The following SLC22A7 variants were observed in gnomAD, a reference collection of about 807,000 sequenced individuals.
SLC22A7 encodes solute carrier family 22 member 7.
Under a neutral mutation model 62.2 loss-of-function variants are expected in SLC22A7, and 48 were observed. The observed-to-expected ratio is 0.77, with a 90% CI of 0.61 to 0.98. SLC22A7 has a LOEUF of 0.98. Among genes scored for constraint, SLC22A7 ranks in the 50% least tolerant of loss-of-function variants. The probability of loss-of-function intolerance (pLI) is 0.00; values close to 1 mark genes in which losing one functional copy is unlikely to be tolerated. For missense variants in SLC22A7, 581 were observed against 703.8 expected (o/e 0.83, Z 1.97); for synonymous variants, 276 against 314.8 (o/e 0.88, Z 1.30).
At chr6:43,298,958 A>T in intron 1 of SLC22A7, 134 bp from the exon 2 acceptor site, 1 of 1,138,580 alleles carries the variant, frequency 8.8e-7, no homozygotes. Flanking sequence ...CATCATCATT[A>T]ATTGGGAGGT....
Position 43,299,559 on chromosome 6 carries a change from G to A in SLC22A7, c.503+66G>A, listed in dbSNP as rs1042596281. On this transcript the variant is annotated intron_variant, in intron 3 of 10. Coordinates refer to ENST00000372585, the MANE Select transcript of SLC22A7 (RefSeq NM_153320.2). The surrounding 1 kb of genome is among the most constrained non-coding windows in gnomAD (Gnocchi z 4.4). ...AACTTTCTCCCACTAGCTGGGGTATGAGCCTAGTCTACCTATGCCTTAGAA... is the reference window on the plus strand; with the variant it reads ...AACTTTCTCCCACTAGCTGGGGTATAAGCCTAGTCTACCTATGCCTTAGAA... 9 of 1,609,612 alleles carry A rather than the reference G, an allele frequency of 5.6e-6. No homozygotes were observed. The highest frequency in any genetic ancestry group is 4.0e-5 in the African/African-American group (3 of 74,944).
At chr6:43,303,231 C>A (rs965978132) in intron 9 of SLC22A7, 8 of 878,046 alleles carry the variant, frequency 9.1e-6, no homozygotes, top group Non-Finnish European at 9.6e-6. Flanking sequence ...AAGGCCAAGG[C>A]GGGCGGATCA....
chr6:43,298,808 G>C (rs572281417), intron 1 of SLC22A7, 57 bp downstream of exon 1: 50 of 1,514,136 alleles, frequency 3.3e-5, no homozygotes, highest in Admixed American at 1.8e-4. Flanking sequence ...CCATTGCCTT[G>C]GGTGGTTACT....
At position 43,302,287 on chromosome 6, in the gene SLC22A7, G is replaced by A; in HGVS notation, c.1149G>A (p.Gly383=). The A allele has an allele frequency of 3.1e-6, 5 of 1,613,912 alleles. No homozygotes were observed. The highest frequency in any genetic ancestry group is 4.2e-6 in the Non-Finnish European group (5 of 1,179,920). The change falls in exon 8 of 11, where the codon GGG becomes GGA. Residue 383 remains glycine (G), a synonymous_variant. Transcript: ENST00000372585. The surrounding 1 kb of genome is among the most constrained non-coding windows in gnomAD (Gnocchi z 5.0). ...LNVYQTQLLF[G]AVELPSKLLV... ...TGTACCAGACACAGCTGTTGTTCGG[G>A]GCTGTGGAACTGCCCTCCAAGCTGC...
At chr6:43,301,509 G>A (rs760990241) in intron 6 of SLC22A7, 74 bp from the exon 7 acceptor site, 16 of 1,222,922 alleles carry the variant, frequency 1.3e-5, no homozygotes, top group Non-Finnish European at 1.6e-5. Context: ...GAGAGGGGTG[G>A]GGGGAGAGTA....
upstream of SLC22A7, among the ~76,000 whole-genome samples, chr6:43,296,559 G>A (rs1175833704): frequency 1.3e-5 from 2 of 152,256 alleles, no homozygotes; most frequent in African/African-American, 4.8e-5. Context: ...TCACACGTGA[G>A]TGAGGATGAG....
At chr6:43,296,633 G>A (rs536215632), upstream of SLC22A7, among the ~76,000 whole-genome samples, 41 of 152,330 alleles carry the variant, frequency 2.7e-4, no homozygotes, top group Non-Finnish European at 4.7e-4. Flanking sequence ...CTTGGTGAAT[G>A]AGGAGGAAGC....
rs1280595420 is a variant in SLC22A7 at position 43,298,334 on chromosome 6, C to A, written c.-25C>A. On this transcript the variant is annotated 5_prime_UTR_variant, in exon 1 of 11. In the 5' UTR this introduces an upstream ATG that the reference lacks. Transcript: ENST00000372585. The stretch of plus-strand genomic sequence containing the variant: ...GCTGGATACTAGAGGGAGGCTGCAC[C>A]TGAAGCATTTGGTGGGTGAGCAGCA... 1 of 1,588,770 alleles carries A rather than the reference C, an allele frequency of 6.3e-7. No homozygotes were observed. Among genetic ancestry groups the A allele is most frequent in the South Asian group, 1.2e-5 (1 of 86,946 alleles).
intron 6 of SLC22A7, 31 bp from the exon 7 acceptor site, chr6:43,301,552 G>A (rs1328724105): frequency 6.4e-6 from 10 of 1,557,764 alleles, no homozygotes; most frequent in Non-Finnish European, 8.9e-6. Context: ...AGCCAACTCT[G>A]ATGTTACAAC....
chr6:43,303,609 G>A (rs1778836037), intron 9 of SLC22A7, among the ~76,000 whole-genome samples: 1 of 152,128 alleles, frequency 6.6e-6, no homozygotes, highest in Non-Finnish European at 1.5e-5. Context: ...CCCCTTGAAA[G>A]GCCCGGGGTT....
rs1778778672 is a variant in SLC22A7 at position 43,302,251 on chromosome 6, G to T, written c.1113G>T (p.Leu371=). ...GCCTGAGTCTGGATGTGTCGGGGCT[G>T]GGGCTGAACGTGTACCAGACACAGC... ...YYGLSLDVSG[L]GLNVYQTQLL... Residue 371 remains leucine, a synonymous_variant, in exon 8 of 11, where the codon CTG becomes CTT. Coordinates refer to ENST00000372585, the MANE Select transcript of SLC22A7 (RefSeq NM_153320.2). The surrounding 1 kb of genome is among the most constrained non-coding windows in gnomAD (Gnocchi z 5.0). The T allele has an allele frequency of 6.2e-7, 1 of 1,610,524 alleles. No individual in the cohort carries two copies. The highest frequency in any genetic ancestry group is 1.1e-5 in the South Asian group (1 of 90,692).
chr6:43,302,330 C>T lies in SLC22A7; in HGVS notation c.1192C>T (p.Arg398Cys), dbSNP rs891750270. 13 of 1,613,448 alleles carry T rather than the reference C, an allele frequency of 8.1e-6. No individual in the cohort carries two copies. Among genetic ancestry groups the T allele is most frequent in the South Asian group, 1.1e-5 (1 of 91,050 alleles). The change falls in exon 8 of 11, where the codon CGC becomes TGC. Residue 398 changes from arginine to cysteine, a missense_variant. Physicochemically the swap from Arg to Cys is radical, Grantham distance 180 (BLOSUM62 -3). Coordinates refer to ENST00000372585, the MANE Select transcript of SLC22A7 (RefSeq NM_153320.2). This position sits in a 1 kb window ranked among gnomAD's most constrained non-coding sequence, Gnocchi z 5.0. ...PSKLLVYLSV[R>C]YAGRRLTQAG... The stretch of plus-strand genomic sequence containing the variant: ...CAAGCTGCTGGTCTACTTGTCGGTG[C>T]GCTACGCAGGACGCCGCCTCACGCA...
At position 43,302,849 on chromosome 6, in the gene SLC22A7, C is replaced by A; in HGVS notation, c.1385+86C>A. On this transcript the variant is annotated intron_variant, in intron 9 of 10. Transcript: ENST00000372585. The surrounding 1 kb of genome is among the most constrained non-coding windows in gnomAD (Gnocchi z 5.0). Reference sequence around the variant, plus strand: ...CACTTCTACATACACGCACCACAACCTGGTCTCTCACTCATTTTTTTTTTA... The same window carrying A: ...CACTTCTACATACACGCACCACAACATGGTCTCTCACTCATTTTTTTTTTA... 1.1e-6 allele frequency: 1 copy of A among 870,184 alleles called. No homozygotes were observed. The highest frequency in any genetic ancestry group is 1.6e-5 in the South Asian group (1 of 63,578). The allele number at this position is 870,184 out of a possible 1,614,324, so 53.9% of individuals were successfully genotyped here.
upstream of SLC22A7, among the ~76,000 whole-genome samples, chr6:43,296,050 C>T (rs556051104): frequency 5.9e-5 from 9 of 152,324 alleles, no homozygotes; most frequent in Non-Finnish European, 8.8e-5. Context: ...AGATTACAGG[C>T]GCTTGCCCCC....
At chr6:43,296,957 C>G (rs2150726497), upstream of SLC22A7, among the ~76,000 whole-genome samples, 1 of 152,130 alleles carries the variant, frequency 6.6e-6, no homozygotes, top group African/African-American at 2.4e-5. Context: ...TTTAACCCTC[C>G]TGTAAGCTCC....
At chr6:43,303,940 G>A in intron 9 of SLC22A7, 98 bp from the exon 10 acceptor site, 12 of 985,626 alleles carry the variant, frequency 1.2e-5, no homozygotes, top group Non-Finnish European at 1.7e-5. Flanking sequence ...GGAGAAGGGA[G>A]TATCAGGGCC....
In SLC22A7 at chr6:43,302,559, T is replaced by C; in HGVS notation, c.1277-96T>C. 1 of 1,201,394 alleles carries C rather than the reference T, an allele frequency of 8.3e-7. No homozygotes were observed. Among genetic ancestry groups the C allele is most frequent in the Admixed American group, 2.1e-5 (1 of 47,900 alleles). The allele number at this position is 1,201,394 out of a possible 1,614,324, so 74.4% of individuals were successfully genotyped here. ...CCAGTGAGCTCAGACTCTCCACCAC[T>C]TAAGTTTGGCCCACTCTGGAGACTC... On this transcript the variant is annotated intron_variant, in intron 8 of 10. Coordinates refer to ENST00000372585, the MANE Select transcript of SLC22A7 (RefSeq NM_153320.2). The surrounding 1 kb of genome is among the most constrained non-coding windows in gnomAD (Gnocchi z 5.0).
In SLC22A7 at chr6:43,298,404, T is replaced by C; in HGVS notation, c.46T>C (p.Phe16Leu). 6.2e-7 allele frequency: 1 copy of C among 1,613,740 alleles called. No individual in the cohort carries two copies. Among genetic ancestry groups the C allele is most frequent in the Non-Finnish European group, 8.5e-7 (1 of 1,179,828 alleles). Residue 16 changes from phenylalanine to leucine, a missense_variant, in exon 1 of 11, where the codon TTC (phenylalanine) becomes CTC (leucine). Phe to Leu is a conservative substitution (Grantham distance 22). Transcript: ENST00000372585. ...GGAGCAGGTGGGCGGCTTTGGGCCCTTCCAACTGCGGAATGTGGCACTGCT... is the reference window on the plus strand; with the variant it reads ...GGAGCAGGTGGGCGGCTTTGGGCCCCTCCAACTGCGGAATGTGGCACTGCT... ...LLEQVGGFGPFQLRNVALLAL... is the reference protein window; with the variant it reads ...LLEQVGGFGPLQLRNVALLAL...
In SLC22A7 at chr6:43,298,386, G is replaced by A; in HGVS notation, c.28G>A (p.Val10Met). Residue 10 changes from valine to methionine, a missense_variant, in exon 1 of 11, where the codon GTG (valine) becomes ATG (methionine). By Grantham distance (21) the Val-to-Met change is conservative. Transcript: ENST00000372585. ...GGGCTTTGAGGAGCTGCTGGAGCAGGTGGGCGGCTTTGGGCCCTTCCAACT... is the reference window on the plus strand; with the variant it reads ...GGGCTTTGAGGAGCTGCTGGAGCAGATGGGCGGCTTTGGGCCCTTCCAACT... MGFEELLEQ[V>M]GGFGPFQLRN... 1 of 1,613,230 alleles carries A rather than the reference G, an allele frequency of 6.2e-7. No individual in the cohort carries two copies. The highest frequency in any genetic ancestry group is 8.5e-7 in the Non-Finnish European group (1 of 1,179,424).
Sources: gnomAD v4.1 joint callset for allele counts (sites outside exome capture counted in the v4.1 genomes callset) on GRCh38, gnomAD v4.1.1 for gene constraint, Gnocchi (gnomAD v3.1) non-coding constraint, MANE v1.5 for transcripts, NCBI Gene and HGNC (gene_info 2026-07-23, HGNC 2026-07-21) for gene names.